Variants in MANBA observed in about 807,000 individuals in gnomAD.
The protein encoded by MANBA is mannosidase beta.
MANBA carries 83 observed loss-of-function variants against 111.1 expected under a neutral mutation model. The observed-to-expected ratio is 0.75, with a 90% CI of 0.63 to 0.90. MANBA has a LOEUF of 0.90. Ranked by LOEUF, MANBA falls within the 40% of genes least tolerant of loss-of-function variation. The pLI, the probability that MANBA is intolerant of heterozygous loss-of-function variation, is 0.00. For synonymous variants in MANBA, 370 were observed against 378.7 expected (o/e 0.98, Z 0.27); for missense variants, 1,036 against 1,069.0 (o/e 0.97, Z 0.43).
intron 1 of MANBA, among the ~76,000 whole-genome samples, chr4:102,743,995 G>T (rs1723503263): frequency 6.6e-6 from 1 of 152,202 alleles, no homozygotes; most frequent in South Asian, 2.1e-4. Context: ...TGGGTCATAT[G>T]GTCCAAGTGG....
At chr4:102,639,077 T>G (rs1729754298) in intron 14 of MANBA, among the ~76,000 whole-genome samples, 1 of 152,208 alleles carries the variant, frequency 6.6e-6, no homozygotes, top group Admixed American at 6.5e-5. Context: ...TGTACCAGAA[T>G]AGATGGGATA....
chr4:102,734,449 T>C, intron 1 of MANBA: 1 of 1,605,324 alleles, frequency 6.2e-7, no homozygotes, highest in Non-Finnish European at 8.5e-7. Flanking sequence ...CTGGGAGCCA[T>C]CTTCCAGCTC....
chr4:102,755,902 T>C (rs1443553991), intron 1 of MANBA, among the ~76,000 whole-genome samples: 1 of 152,018 alleles, frequency 6.6e-6, no homozygotes, highest in Non-Finnish European at 1.5e-5. Flanking sequence ...ATCAGAGAAA[T>C]GCAAATCAAA....
At chr4:102,739,835 T>A (rs1723340048) in intron 1 of MANBA, among the ~76,000 whole-genome samples, 1 of 152,154 alleles carries the variant, frequency 6.6e-6, no homozygotes, top group African/African-American at 2.4e-5. Context: ...CAGCCAACAT[T>A]GTACTGAACA....
intron 7 of MANBA, among the ~76,000 whole-genome samples, chr4:102,674,736 G>A (rs1731653403): frequency 6.6e-6 from 1 of 152,166 alleles, no homozygotes; most frequent in South Asian, 2.1e-4. Context: ...TTTTCCCCCA[G>A]TTAAGCATGG....
At chr4:102,758,679 ACCACAGGTGTACGCCACCACGC>A (rs1349834528) in intron 1 of MANBA, among the ~76,000 whole-genome samples, 1 of 151,652 alleles carries the variant, frequency 6.6e-6, no homozygotes, top group African/African-American at 2.4e-5. Context: ...CGTAGCTAGG[ACCACAGGTGTACGCCACCACGC>A]CCAGTTAATT....
At chr4:102,679,992 T>C (rs1022047234) in intron 7 of MANBA, among the ~76,000 whole-genome samples, 44 of 152,152 alleles carry the variant, frequency 2.9e-4, no homozygotes, top group African/African-American at 1.1e-3. Flanking sequence ...GGCTAAATGA[T>C]TGTGAACACA....
In MANBA at chr4:102,673,149, G is replaced by A. The variant is rs73836809; in HGVS notation, c.1112+770C>T. Among the ~76,000 whole-genome samples, 1,409 of 152,172 alleles carry A rather than the reference G, an allele frequency of 9.3e-3. 28 individuals are homozygous for A. Among genetic ancestry groups the A allele is most frequent in the African/African-American group, 0.032 (1,336 of 41,494 alleles). The stretch of plus-strand genomic sequence containing the variant: ...CCACAACCGCGCCTCCACTACACAC[G>A]AGATTTTGTTTAGTTCTTTTGTTGA... On this transcript the variant is annotated intron_variant, in intron 8 of 16. Transcript: ENST00000647097.
chr4:102,709,356 AAAG>A (rs1295603130), intron 5 of MANBA, among the ~76,000 whole-genome samples: 4 of 142,318 alleles, frequency 2.8e-5, no homozygotes, highest in African/African-American at 8.2e-5. Flanking sequence ...GGAAGGAAGA[AAAG>A]AAAAGAAAAA....
intron 15 of MANBA, among the ~76,000 whole-genome samples, chr4:102,635,310 A>G (rs1254108538): frequency 6.6e-6 from 1 of 152,212 alleles, no homozygotes; most frequent in Non-Finnish European, 1.5e-5. Context: ...CGGAAGGCAC[A>G]GTACCTGGTG....
At chr4:102,687,349 T>C (rs548847947) in intron 7 of MANBA, among the ~76,000 whole-genome samples, 1 of 152,322 alleles carries the variant, frequency 6.6e-6, no homozygotes, top group East Asian at 1.9e-4. Context: ...TTGTAAAATA[T>C]GCATATAATC....
intron 5 of MANBA, among the ~76,000 whole-genome samples, chr4:102,699,573 G>T (rs1404515334): frequency 6.6e-6 from 1 of 150,922 alleles, no homozygotes; most frequent in Non-Finnish European, 1.5e-5. Context: ...ATGAAGGGTT[G>T]TTGAATTTTG....
chr4:102,722,776 T>G, intron 4 of MANBA, 95 bp downstream of exon 4: 2 of 1,297,554 alleles, frequency 1.5e-6, no homozygotes, highest in Non-Finnish European at 2.2e-6. Flanking sequence ...GATTCCTAAC[T>G]TCTGAAATGC....
intron 7 of MANBA, among the ~76,000 whole-genome samples, chr4:102,676,039 A>C (rs547624718): frequency 6.6e-6 from 1 of 152,346 alleles, no homozygotes; most frequent in African/African-American, 2.4e-5. Context: ...AGGATGCTGA[A>C]AAAAGTGAAA....
At chr4:102,666,940 T>G (rs1465484173) in intron 10 of MANBA, 7 of 152,150 alleles carry the variant, frequency 4.6e-5, no homozygotes. Flanking sequence ...GTAATAGAAA[T>G]CGCTTCCTTG....
intron 5 of MANBA, among the ~76,000 whole-genome samples, chr4:102,696,093 TG>T (rs746508210): frequency 1.3e-5 from 2 of 152,032 alleles, no homozygotes; most frequent in Admixed American, 6.6e-5. Context: ...CTGGGTGTGG[TG>T]GCACGCCTGT....
At chr4:102,686,542 A>G (rs571842297) in intron 7 of MANBA, among the ~76,000 whole-genome samples, 1 of 152,196 alleles carries the variant, frequency 6.6e-6, no homozygotes, top group South Asian at 2.1e-4. Flanking sequence ...TCCTCAACCC[A>G]CTACAATTTG....
At chr4:102,633,284 C>T in intron 16 of MANBA, 2 of 398,618 alleles carry the variant, frequency 5.0e-6, no homozygotes, top group East Asian at 3.6e-5. Context: ...CCTAAAGCAG[C>T]CACAGGAACA....
rs1729380252 is a variant in MANBA at position 102,631,662 on chromosome 4, C to T, written c.*395G>A. ...GCACTTTATTTGAGTATTCCGTATT[C>T]CCCAAAGCTAGCTGTGAAAGACCTA... On this transcript the variant is annotated 3_prime_UTR_variant, in exon 17 of 17. Transcript: ENST00000647097. 1 of 466,396 alleles carries T rather than the reference C, an allele frequency of 2.1e-6. No homozygotes were observed. Among genetic ancestry groups the T allele is most frequent in the African/African-American group, 2.0e-5 (1 of 51,032 alleles). The allele number at this position is 466,396 out of a possible 1,614,324, so 28.9% of individuals were successfully genotyped here.
Sources: gnomAD v4.1 joint callset for allele counts (sites outside exome capture counted in the v4.1 genomes callset) on GRCh38, gnomAD v4.1.1 for gene constraint, MANE v1.5 for transcripts, NCBI Gene and HGNC (gene_info 2026-07-23, HGNC 2026-07-21) for gene names.